Variants in SREK1IP1 observed in about 807,000 individuals in gnomAD.
The protein encoded by SREK1IP1 is protein SREK1IP1.
Under a neutral mutation model 22.8 loss-of-function variants are expected in SREK1IP1, and 12 were observed. That is an observed-to-expected ratio of 0.53 (90% CI 0.34 to 0.85). SREK1IP1 has a LOEUF of 0.85. Among genes scored for constraint, SREK1IP1 ranks in the 40% least tolerant of loss-of-function variants. The probability of loss-of-function intolerance (pLI) is 0.02; values close to 1 mark genes in which losing one functional copy is unlikely to be tolerated. For synonymous variants in SREK1IP1, 53 were observed against 52.7 expected (o/e 1.01, Z -0.02); for missense variants, 147 against 171.8 (o/e 0.86, Z 0.81).
intron 4 of SREK1IP1, among the ~76,000 whole-genome samples, chr5:64,725,877 TTTC>T (rs1197912047): frequency 6.7e-6 from 1 of 149,342 alleles, no homozygotes; most frequent in Admixed American, 6.7e-5. Context: ...TTTTTTTTTT[TTTC>T]TGAGACAGAG....
intron 4 of SREK1IP1, chr5:64,727,680 G>T (rs1213070994): frequency 2.0e-5 from 3 of 152,172 alleles, no homozygotes; most frequent in Non-Finnish European, 4.4e-5. Context: ...ACATAGCTGG[G>T]AACACAGGTA....
At chr5:64,756,270 C>T (rs960714434) in intron 1 of SREK1IP1, among the ~76,000 whole-genome samples, 21 of 152,248 alleles carry the variant, frequency 1.4e-4, no homozygotes, top group Non-Finnish European at 2.4e-4. Flanking sequence ...ATTTCAAAAA[C>T]TCTTTCATCA....
At chr5:64,743,649 G>A (rs1005920664) in intron 2 of SREK1IP1, among the ~76,000 whole-genome samples, 2 of 152,108 alleles carry the variant, frequency 1.3e-5, no homozygotes, top group Admixed American at 1.3e-4. Flanking sequence ...CTGTGGGCAT[G>A]CACCAGGTTT....
chr5:64,763,313 C>T (rs917277985), intron 1 of SREK1IP1, among the ~76,000 whole-genome samples: 3 of 152,076 alleles, frequency 2.0e-5, no homozygotes, highest in East Asian at 1.9e-4. Context: ...CTGAGGCAGG[C>T]GGGTCACAGG....
chr5:64,754,930 A>C (rs1163344096), intron 1 of SREK1IP1, among the ~76,000 whole-genome samples: 2 of 152,164 alleles, frequency 1.3e-5, no homozygotes, highest in African/African-American at 4.8e-5. Context: ...AAAATAAGAC[A>C]AACACATATG....
chr5:64,754,534 A>G, intron 1 of SREK1IP1, 172 bp from the exon 2 acceptor site: 1 of 567,008 alleles, frequency 1.8e-6, no homozygotes, highest in Non-Finnish European at 3.1e-6. Context: ...ACATGATCAC[A>G]GCTCACTACA....
intron 3 of SREK1IP1, among the ~76,000 whole-genome samples, chr5:64,731,007 T>C (rs1379745704): frequency 1.3e-5 from 2 of 152,164 alleles, no homozygotes; most frequent in Non-Finnish European, 1.5e-5. Flanking sequence ...GGTGGGTCAA[T>C]AGCCTGAGGG....
rs1203481650 is a variant in SREK1IP1 at position 64,720,829 on chromosome 5, T to A, written c.*3555A>T. The A allele has an allele frequency of 6.6e-6, 1 of 152,246 alleles. No individual in the cohort carries two copies. Among genetic ancestry groups the A allele is most frequent in the Non-Finnish European group, 1.5e-5 (1 of 68,102 alleles). 9.4% of individuals were successfully genotyped at this position (152,246 alleles called of 1,614,324 possible). ...GGCCCCCCTTGAAACTCTTTAATGG[T>A]GTCTCATTGCTTACACATTACAGTT... On this transcript the variant is annotated 3_prime_UTR_variant, in exon 5 of 5. Coordinates refer to ENST00000513458, the MANE Select transcript of SREK1IP1 (RefSeq NM_173829.4).
At chr5:64,728,258 A>G (rs1580537464) in intron 3 of SREK1IP1, 79 bp from the exon 4 acceptor site, 1 of 1,169,244 alleles carries the variant, frequency 8.6e-7, no homozygotes, top group African/African-American at 1.6e-5. Flanking sequence ...TATATGTTAA[A>G]ATTTTAGCTG....
rs149229279 is a variant in SREK1IP1 at position 64,761,380 on chromosome 5, T to C, written c.14-7018A>G. Among the ~76,000 whole-genome samples, 659 of 152,336 alleles carry C rather than the reference T, an allele frequency of 4.3e-3. 6 individuals are homozygous for C. Among genetic ancestry groups the C allele is most frequent in the African/African-American group, 0.015 (643 of 41,564 alleles). On this transcript the variant is annotated intron_variant, in intron 1 of 4. Coordinates refer to ENST00000513458, the MANE Select transcript of SREK1IP1 (RefSeq NM_173829.4). ...GTCATGTTTCATTTAATGACAGGGA[T>C]ACATTCTGAGAAATGTGTTGTTAGG... is the stretch of plus-strand genomic sequence containing the variant.
chr5:64,739,141 T>C (rs896394487), intron 3 of SREK1IP1, among the ~76,000 whole-genome samples: 1 of 152,156 alleles, frequency 6.6e-6, no homozygotes, highest in Admixed American at 6.5e-5. Context: ...TTGTGACACC[T>C]TTTCAACTGT....
rs1228471879 is a variant in SREK1IP1 at position 64,722,977 on chromosome 5, G to GT, written c.*1406dup. 1.3e-5 allele frequency: 2 copies of GT among 152,164 alleles called. No individual in the cohort carries two copies. The highest frequency in any genetic ancestry group is 4.8e-5 in the African/African-American group (2 of 41,442). 9.4% of individuals were successfully genotyped at this position (152,164 alleles called of 1,614,324 possible). Reference sequence around the variant, plus strand: ...CACTATCATGAATTCACCTGCAGCCGTATCTATAGGTTATCAATTTGAAAA... The same window carrying GT: ...CACTATCATGAATTCACCTGCAGCCGTTATCTATAGGTTATCAATTTGAAAA... On this transcript the variant is annotated 3_prime_UTR_variant, in exon 5 of 5. Transcript: ENST00000513458.
intron 3 of SREK1IP1, among the ~76,000 whole-genome samples, chr5:64,739,739 A>T (rs1469341654): frequency 6.6e-6 from 1 of 152,002 alleles, no homozygotes; most frequent in Non-Finnish European, 1.5e-5. Context: ...GTGTGTATTC[A>T]ATCAACTGTC....
chr5:64,718,478 C>T lies in SREK1IP1; in HGVS notation c.*5906G>A, dbSNP rs1742094249. 1 of 152,408 alleles carries T rather than the reference C, an allele frequency of 6.6e-6. No individual in the cohort carries two copies. Among genetic ancestry groups the T allele is most frequent in the Admixed American group, 6.5e-5 (1 of 15,278 alleles). 9.4% of individuals were successfully genotyped at this position (152,408 alleles called of 1,614,324 possible). A position where few individuals can be genotyped will look rare whatever the true frequency, so the allele number is the denominator to read the frequency against. On this transcript the variant is annotated 3_prime_UTR_variant, in exon 5 of 5. Coordinates refer to ENST00000513458, the MANE Select transcript of SREK1IP1 (RefSeq NM_173829.4). ...CTTAAATCTCTTAGAAGTCAACCCA[C>T]ATCTTTTTAGATTTTTCTGGGCACA...
chr5:64,753,380 T>C (rs977650986), intron 2 of SREK1IP1, among the ~76,000 whole-genome samples: 2 of 152,226 alleles, frequency 1.3e-5, no homozygotes, highest in South Asian at 4.1e-4. Flanking sequence ...AAGATTTCAT[T>C]GCACTCATTT....
intron 3 of SREK1IP1, among the ~76,000 whole-genome samples, chr5:64,734,042 G>A (rs373295291): frequency 6.6e-6 from 1 of 152,032 alleles, no homozygotes; most frequent in Non-Finnish European, 1.5e-5. Context: ...GAAATGTTCT[G>A]TGTAGACTGT....
chr5:64,729,869 T>C (rs1742347472), intron 3 of SREK1IP1, among the ~76,000 whole-genome samples: 1 of 152,138 alleles, frequency 6.6e-6, no homozygotes, highest in African/African-American at 2.4e-5. Context: ...ACATTTGAGA[T>C]CTAAAAGACC....
intron 3 of SREK1IP1, among the ~76,000 whole-genome samples, chr5:64,734,961 T>C (rs1286332320): frequency 4.6e-5 from 7 of 152,244 alleles, no homozygotes; most frequent in African/African-American, 7.2e-5. Flanking sequence ...AGAAGTGGTA[T>C]GAGTGGACAT....
chr5:64,729,626 T>C (rs1240369424), intron 3 of SREK1IP1, among the ~76,000 whole-genome samples: 1 of 151,976 alleles, frequency 6.6e-6, no homozygotes, highest in African/African-American at 2.4e-5. Context: ...ACAAGGTAAA[T>C]GAATTGGAAA....
Sources: allele counts gnomAD v4.1 joint callset (sites outside exome capture counted in the v4.1 genomes callset), GRCh38; gene constraint gnomAD v4.1.1; transcripts MANE v1.5; gene names NCBI Gene and HGNC (gene_info 2026-07-23, HGNC 2026-07-21).